The following DRC11 variants were observed in gnomAD, a reference collection of about 807,000 sequenced individuals.
The protein encoded by DRC11 is dynein regulatory complex subunit 11.
chr2:236,399,552 T>C, the DRC11 span: 2 of 1,343,674 alleles, frequency 1.5e-6, no homozygotes, highest in Admixed American at 1.7e-5. This position sits in a 1 kb window ranked among gnomAD's most constrained non-coding sequence, Gnocchi z 7.0. Flanking sequence ...ACGCAGACGC[T>C]GTGATAACCG....
chr2:236,352,809 G>C, the DRC11 span, among the ~76,000 whole-genome samples: 1 of 152,138 alleles, frequency 6.6e-6, no homozygotes, highest in African/African-American at 2.4e-5. The surrounding 1 kb of genome is among the most constrained non-coding windows in gnomAD (Gnocchi z 7.0). Context: ...CCCTGGTTTT[G>C]AATGTATAGA....
the DRC11 span, chr2:236,331,491 G>C: frequency 5.2e-5 from 84 of 1,613,938 alleles, no homozygotes; most frequent in East Asian, 1.8e-3. This position sits in a 1 kb window ranked among gnomAD's most constrained non-coding sequence, Gnocchi z 4.8. Flanking sequence ...TAACCACTTC[G>C]ACTATATGTC....
At chr2:236,490,842 CAT>C in the DRC11 span, among the ~76,000 whole-genome samples, 36 of 150,608 alleles carry the variant, frequency 2.4e-4, no homozygotes, top group Non-Finnish European at 3.0e-4. This position sits in a 1 kb window ranked among gnomAD's most constrained non-coding sequence, Gnocchi z 5.5. Flanking sequence ...CACATATATA[CAT>C]GTCTCATAAG....
the DRC11 span, chr2:236,324,819 T>C: frequency 6.9e-7 from 1 of 1,441,080 alleles, no homozygotes; most frequent in Non-Finnish European, 9.6e-7. This position sits in a 1 kb window ranked among gnomAD's most constrained non-coding sequence, Gnocchi z 5.7. Context: ...AAGGTCAGAA[T>C]GACACCAATT....
the DRC11 span, among the ~76,000 whole-genome samples, chr2:236,320,713 G>C: frequency 2.6e-5 from 4 of 152,114 alleles, no homozygotes; most frequent in African/African-American, 9.7e-5. Context: ...ATTAATTACT[G>C]TCCCCTCCAC....
At chr2:236,485,632 T>C in the DRC11 span, among the ~76,000 whole-genome samples, 1 of 152,176 alleles carries the variant, frequency 6.6e-6, no homozygotes, top group South Asian at 2.1e-4. Flanking sequence ...TTGCAAAGAA[T>C]TGGCTTCAGG....
At chr2:236,497,783 A>G in the DRC11 span, among the ~76,000 whole-genome samples, 4 of 152,188 alleles carry the variant, frequency 2.6e-5, no homozygotes, top group African/African-American at 9.7e-5. This position sits in a 1 kb window ranked among gnomAD's most constrained non-coding sequence, Gnocchi z 5.1. Context: ...TACCCATTTA[A>G]AAGATGACAA....
At chr2:236,350,158 C>G in the DRC11 span, among the ~76,000 whole-genome samples, 3 of 152,350 alleles carry the variant, frequency 2.0e-5, no homozygotes, top group East Asian at 5.8e-4. This position sits in a 1 kb window ranked among gnomAD's most constrained non-coding sequence, Gnocchi z 5.2. Context: ...AATCTTGTTT[C>G]CAGCATCAGA....
At chr2:236,446,718 G>T in the DRC11 span, among the ~76,000 whole-genome samples, 1 of 152,350 alleles carries the variant, frequency 6.6e-6, no homozygotes, top group East Asian at 1.9e-4. This position sits in a 1 kb window ranked among gnomAD's most constrained non-coding sequence, Gnocchi z 6.2. Context: ...GGCACCCACA[G>T]CATTCAAACA....
At chr2:236,375,051 G>A in the DRC11 span, among the ~76,000 whole-genome samples, 1 of 151,810 alleles carries the variant, frequency 6.6e-6, no homozygotes, top group Non-Finnish European at 1.5e-5. This position sits in a 1 kb window ranked among gnomAD's most constrained non-coding sequence, Gnocchi z 4.2. Context: ...CTACCATGAG[G>A]AAAGTCCCAA....
the DRC11 span, among the ~76,000 whole-genome samples, chr2:236,309,887 G>C: frequency 1.3e-5 from 2 of 152,200 alleles, no homozygotes; most frequent in East Asian, 3.9e-4. The surrounding 1 kb of genome is among the most constrained non-coding windows in gnomAD (Gnocchi z 5.7). Flanking sequence ...GGGAGGCCTT[G>C]AGCTGAGTGA....
At chr2:236,358,410 TATATG>T in the DRC11 span, among the ~76,000 whole-genome samples, 4 of 140,016 alleles carry the variant, frequency 2.9e-5, no homozygotes, top group African/African-American at 1.0e-4. Context: ...TATATAAATA[TATATG>T]ATATATGAAT....
the DRC11 span, among the ~76,000 whole-genome samples, chr2:236,459,594 CGTAT>C: frequency 1.0e-5 from 1 of 98,630 alleles, no homozygotes; most frequent in African/African-American, 3.5e-5. Context: ...TATACGTATA[CGTAT>C]ACATATATAC....
At chr2:236,446,169 G>A in the DRC11 span, among the ~76,000 whole-genome samples, 3 of 152,124 alleles carry the variant, frequency 2.0e-5, no homozygotes, top group Admixed American at 6.5e-5. This position sits in a 1 kb window ranked among gnomAD's most constrained non-coding sequence, Gnocchi z 6.2. Flanking sequence ...GACACATCCC[G>A]ACTGAGCCTC....
chr2:236,375,471 A>C, the DRC11 span, among the ~76,000 whole-genome samples: 1 of 152,240 alleles, frequency 6.6e-6, no homozygotes, highest in South Asian at 2.1e-4. This position sits in a 1 kb window ranked among gnomAD's most constrained non-coding sequence, Gnocchi z 4.2. Context: ...AACAGAATCA[A>C]GGTACAGGAG....
chr2:236,322,277 C>T, the DRC11 span, among the ~76,000 whole-genome samples: 3 of 146,252 alleles, frequency 2.1e-5, 1 homozygote, highest in Admixed American at 2.0e-4. Context: ...CTCTGTTGCC[C>T]AGGCTGTAGT....
At chr2:236,344,938 C>T in the DRC11 span, among the ~76,000 whole-genome samples, 1 of 149,680 alleles carries the variant, frequency 6.7e-6, no homozygotes, top group Non-Finnish European at 1.5e-5. Flanking sequence ...TGTGCAGAGC[C>T]CTGGTTGTAA....
the DRC11 span, among the ~76,000 whole-genome samples, chr2:236,330,532 A>T: frequency 6.6e-6 from 1 of 152,200 alleles, no homozygotes; most frequent in Non-Finnish European, 1.5e-5. The surrounding 1 kb of genome is among the most constrained non-coding windows in gnomAD (Gnocchi z 5.5). Flanking sequence ...AAGGAATCAT[A>T]GTTTTAGATT....
At chr2:236,388,617 G>A in the DRC11 span, among the ~76,000 whole-genome samples, 10 of 146,310 alleles carry the variant, frequency 6.8e-5, no homozygotes, top group East Asian at 2.0e-4. Context: ...ATGTCCTCCC[G>A]TAGCTCAGAG....
Sources: allele counts gnomAD v4.1 joint callset (sites outside exome capture counted in the v4.1 genomes callset), GRCh38; gene constraint gnomAD v4.1.1; non-coding constraint Gnocchi (gnomAD v3.1); transcripts MANE v1.5; gene names NCBI Gene and HGNC (gene_info 2026-07-23, HGNC 2026-07-21).